Variants in SIN3A observed in about 807,000 individuals in gnomAD.
SIN3A encodes the protein paired amphipathic helix protein Sin3a.
In SIN3A, 14 loss-of-function variants were observed where a neutral mutation model predicts 146.1. The observed-to-expected ratio is 0.10, with a 90% CI of 0.06 to 0.15. The LOEUF is 0.15. Among genes scored for constraint, SIN3A ranks in the 10% least tolerant of loss-of-function variants. SIN3A has a pLI of 1.00. For synonymous variants in SIN3A, 572 were observed against 572.0 expected (o/e 1.00, Z 0.00); for missense variants, 1,028 against 1,576.0 (o/e 0.65, Z 5.89).
intron 2 of SIN3A, among the ~76,000 whole-genome samples, chr15:75,424,809 G>A: frequency 6.6e-6 from 1 of 152,086 alleles, no homozygotes; most frequent in East Asian, 1.9e-4. Context: ...AATAAAAAAT[G>A]ATCATGTCCA....
chr15:75,450,556 C>A (rs2074385100), intron 1 of SIN3A, among the ~76,000 whole-genome samples: 1 of 152,236 alleles, frequency 6.6e-6, no homozygotes, highest in Non-Finnish European at 1.5e-5. Flanking sequence ...GGCACTTCGC[C>A]CCAATAGTTA....
At chr15:75,441,505 G>A (rs1017813890) in intron 1 of SIN3A, among the ~76,000 whole-genome samples, 1 of 152,038 alleles carries the variant, frequency 6.6e-6, no homozygotes, top group South Asian at 2.1e-4. Context: ...CATTGCACAG[G>A]CCGGTCTTGA....
Position 75,410,206 on chromosome 15 carries a change from A to G in SIN3A, c.1089T>C (p.Ala363=). ...LTEQEVYAQV[A]RLFKNQEDLL... ...AATCTTCCTGGTTTTTAAAGAGACG[A>G]GCAACCTGGGCATACACCTCCTGCT... The change falls in exon 7 of 21, where the codon GCT becomes GCC. Residue 363 remains alanine (A), a synonymous_variant. Coordinates refer to ENST00000394947, the MANE Select transcript of SIN3A (RefSeq NM_001145358.2). The G allele has an allele frequency of 6.2e-7, 1 of 1,614,098 alleles. No homozygotes were observed. The highest frequency in any genetic ancestry group is 8.5e-7 in the Non-Finnish European group (1 of 1,179,996).
In SIN3A at chr15:75,400,735, T is replaced by C; in HGVS notation, c.1732A>G (p.Lys578Glu). ...TTTGCTAGGGAAGGCCTTACCTCTT[T>C]ACAGAGAGGAGTCCGTCCTGTACAC... ...PKCTGRTPLC[K>E]EVLNDTWVSF... is the part of the protein sequence containing the mutation. Residue 578 changes from lysine (K) to glutamate (E), a missense_variant, in exon 11 of 21, where the codon AAA (lysine) becomes GAA (glutamate). Coordinates refer to ENST00000394947, the MANE Select transcript of SIN3A (RefSeq NM_001145358.2). 2 of 1,613,334 alleles carry C rather than the reference T, an allele frequency of 1.2e-6. No homozygotes were observed. Among genetic ancestry groups the C allele is most frequent in the Non-Finnish European group, 1.7e-6 (2 of 1,179,820 alleles).
chr15:75,451,325 CGAG>C (rs1420727904), intron 1 of SIN3A, 95 bp downstream of exon 1: 1 of 129,034 alleles, frequency 7.7e-6, no homozygotes, highest in African/African-American at 2.8e-5. Context: ...TACGGGAAGC[CGAG>C]GAGGTCAGCC....
rs766193825 is a variant in SIN3A at position 75,412,992 on chromosome 15, G to T, written c.527C>A (p.Pro176His). 1 of 1,614,016 alleles carries T rather than the reference G, an allele frequency of 6.2e-7. No individual in the cohort carries two copies. The part of the protein sequence containing the change: ...SRVSQLFKGH[P>H]DLIMGFNTFL... ...GGTGTTGAATCCCATTATCAGATCG[G>T]GGTGGCCTTTGAATAGCTGGGACAC... The change falls in exon 5 of 21, where the codon CCC becomes CAC. Residue 176 changes from proline (P) to histidine (H), a missense_variant. Coordinates refer to ENST00000394947, the MANE Select transcript of SIN3A (RefSeq NM_001145358.2).
chr15:75,400,970 A>AATT (rs2073401083), intron 10 of SIN3A, 30 bp from the exon 11 acceptor site: 1 of 1,511,272 alleles, frequency 6.6e-7, no homozygotes, highest in African/African-American at 1.4e-5. Context: ...AGTGACAAGC[A>AATT]ATTAGGGGCA....
chr15:75,413,093 A>G, intron 4 of SIN3A, 48 bp from the exon 5 acceptor site: 1 of 1,525,702 alleles, frequency 6.6e-7, no homozygotes, highest in Non-Finnish European at 8.8e-7. Flanking sequence ...CTTAACAAAC[A>G]CCCTGTTAAG....
At chr15:75,394,358 A>T (rs2073263802) in intron 14 of SIN3A, among the ~76,000 whole-genome samples, 1 of 152,216 alleles carries the variant, frequency 6.6e-6, no homozygotes, top group Admixed American at 6.5e-5. Context: ...AGCTGTAAGT[A>T]AGGAGAGATG....
chr15:75,421,572 A>G (rs1369485885), intron 3 of SIN3A: 1 of 152,248 alleles, frequency 6.6e-6, no homozygotes, highest in African/African-American at 2.4e-5. Context: ...AAGAAGAACT[A>G]AAGTAAGTAT....
intron 1 of SIN3A, among the ~76,000 whole-genome samples, chr15:75,444,261 T>C (rs1018709206): frequency 2.0e-5 from 3 of 152,068 alleles, no homozygotes; most frequent in African/African-American, 7.2e-5. Flanking sequence ...GCCAATATGG[T>C]GAAACCCCAT....
chr15:75,451,280 C>A (rs1251145260), intron 1 of SIN3A, 143 bp downstream of exon 1: 1 of 132,058 alleles, frequency 7.6e-6, no homozygotes, highest in Non-Finnish European at 1.7e-5. Flanking sequence ...CCCCCACCCC[C>A]CTCACACAAC....
intron 20 of SIN3A, among the ~76,000 whole-genome samples, 158 bp from the exon 21 acceptor site, chr15:75,372,367 C>A (rs1406351859): frequency 6.6e-6 from 1 of 151,802 alleles, no homozygotes; most frequent in Non-Finnish European, 1.5e-5. Context: ...AAAAAGGATT[C>A]TCTGTTTAAA....
At chr15:75,402,588 A>C (rs1210369478) in intron 9 of SIN3A, among the ~76,000 whole-genome samples, 1 of 152,116 alleles carries the variant, frequency 6.6e-6, no homozygotes, top group African/African-American at 2.4e-5. Context: ...AATCAACGTT[A>C]GTGTTTTTAG....
At chr15:75,407,479 A>C (rs982735338) in intron 8 of SIN3A, among the ~76,000 whole-genome samples, 2 of 152,176 alleles carry the variant, frequency 1.3e-5, no homozygotes, top group Admixed American at 1.3e-4. Context: ...TGTAGAATCT[A>C]ATGCCACTGT....
intron 3 of SIN3A, among the ~76,000 whole-genome samples, chr15:75,418,629 A>G (rs575690383): frequency 5.3e-5 from 8 of 151,974 alleles, no homozygotes; most frequent in African/African-American, 1.9e-4. Context: ...CAGCACCTTG[A>G]TTTTAGATTT....
intron 1 of SIN3A, among the ~76,000 whole-genome samples, chr15:75,441,205 G>A (rs1054671702): frequency 1.3e-5 from 2 of 151,898 alleles, no homozygotes; most frequent in Non-Finnish European, 2.9e-5. Context: ...AGCTACTCAG[G>A]AAGCTGAGTC....
At chr15:75,432,409 G>T (rs565613558) in intron 1 of SIN3A, among the ~76,000 whole-genome samples, 1 of 152,060 alleles carries the variant, frequency 6.6e-6, no homozygotes, top group Admixed American at 6.6e-5. Context: ...TTTATTGGCC[G>T]GATGCAGTGG....
intron 20 of SIN3A, among the ~76,000 whole-genome samples, chr15:75,372,673 T>C (rs1339769697): frequency 6.6e-6 from 1 of 151,700 alleles, no homozygotes; most frequent in Non-Finnish European, 1.5e-5. Context: ...ATACAAATAA[T>C]AACTGGGCGT....
Sources: allele counts gnomAD v4.1 joint callset (sites outside exome capture counted in the v4.1 genomes callset), GRCh38; gene constraint gnomAD v4.1.1; transcripts MANE v1.5; gene names NCBI Gene and HGNC (gene_info 2026-07-23, HGNC 2026-07-21).